Variants in PDILT observed in about 807,000 individuals in gnomAD.
The protein encoded by PDILT is protein disulfide-isomerase-like protein of the testis.
PDILT carries 43 observed loss-of-function variants against 53.7 expected under a neutral mutation model. That is an observed-to-expected ratio of 0.80 (90% CI 0.63 to 1.03). PDILT has a LOEUF of 1.03. Among genes scored for constraint, PDILT ranks in the 50% least tolerant of loss-of-function variants. PDILT has a pLI of 0.00. For synonymous variants in PDILT, 282 were observed against 274.2 expected, an observed-to-expected ratio of 1.03 and a Z score of -0.28; for missense variants, 727 against 712.3, an observed-to-expected ratio of 1.02 and a Z score of -0.24.
chr16:20,372,119 T>C (rs926234770), intron 7 of PDILT, among the ~76,000 whole-genome samples: 3 of 152,186 alleles, frequency 2.0e-5, no homozygotes, highest in Admixed American at 6.5e-5. Context: ...CTACCTTAAA[T>C]ACAGGAACAG....
Position 20,360,307 on chromosome 16 carries a change from C to T in PDILT, c.1506+261G>A, listed in dbSNP as rs116102051. ...AGACATCTGGTCAGTGCCAGGGAAG[C>T]GGCCCAAGGCAAGGAGCTGTGTGTT... On this transcript the variant is annotated intron_variant, in intron 11 of 11. Transcript: ENST00000302451. Among the ~76,000 whole-genome samples, 1,147 of 152,226 alleles carry T rather than the reference C, an allele frequency of 7.5e-3. 20 individuals are homozygous for T. Among genetic ancestry groups the T allele is most frequent in the African/African-American group, 0.025 (1,045 of 41,548 alleles).
At chr16:20,389,618 C>T (rs763771815) in intron 2 of PDILT, among the ~76,000 whole-genome samples, 29 of 152,124 alleles carry the variant, frequency 1.9e-4, no homozygotes, top group Non-Finnish European at 4.1e-4. Flanking sequence ...GGTAAGCACA[C>T]GGGACTCAGG....
At chr16:20,399,849 T>C (rs1163416307) in intron 1 of PDILT, among the ~76,000 whole-genome samples, 1 of 151,904 alleles carries the variant, frequency 6.6e-6, no homozygotes, top group Non-Finnish European at 1.5e-5. Context: ...GTCATAACTA[T>C]AATACACACT....
chr16:20,376,414 C>T (rs1279803897), intron 3 of PDILT, among the ~76,000 whole-genome samples: 1 of 152,160 alleles, frequency 6.6e-6, no homozygotes, highest in Non-Finnish European at 1.5e-5. Context: ...CTCAACAAGG[C>T]CCAGACACTG....
intron 2 of PDILT, among the ~76,000 whole-genome samples, 153 bp downstream of exon 2, chr16:20,398,946 T>A (rs1420488805): frequency 1.3e-5 from 2 of 152,200 alleles, no homozygotes; most frequent in African/African-American, 2.4e-5. Context: ...ATCTGGAGAT[T>A]GGAGATGATG....
chr16:20,360,298 C>A (rs1297212443), intron 11 of PDILT, among the ~76,000 whole-genome samples: 1 of 152,038 alleles, frequency 6.6e-6, no homozygotes. Flanking sequence ...CTGGTCAGTG[C>A]CAGGGAAGCG....
At chr16:20,375,156 G>A (rs543999215) in intron 4 of PDILT, among the ~76,000 whole-genome samples, 197 bp from the exon 5 acceptor site, 1 of 152,216 alleles carries the variant, frequency 6.6e-6, no homozygotes, top group Admixed American at 6.5e-5. Flanking sequence ...GCCAAAATAG[G>A]CAAGTCCTCA....
intron 3 of PDILT, among the ~76,000 whole-genome samples, chr16:20,377,236 T>G (rs1161500549): frequency 1.3e-5 from 2 of 152,106 alleles, no homozygotes; most frequent in Admixed American, 6.6e-5. Context: ...TGCAGTGAGC[T>G]ACAATCAGCC....
At chr16:20,371,049 G>T (rs1303637954) in intron 7 of PDILT, among the ~76,000 whole-genome samples, 1 of 152,186 alleles carries the variant, frequency 6.6e-6, no homozygotes, top group African/African-American at 2.4e-5. Context: ...TAATAAACTT[G>T]CTTTCACTTT....
At chr16:20,402,533 A>G (rs997296906) in intron 1 of PDILT, among the ~76,000 whole-genome samples, 1 of 152,200 alleles carries the variant, frequency 6.6e-6, no homozygotes, top group African/African-American at 2.4e-5. Flanking sequence ...TCCTGACCTC[A>G]GGTGATCCGC....
At chr16:20,398,157 C>T (rs1966685521) in intron 2 of PDILT, among the ~76,000 whole-genome samples, 1 of 152,194 alleles carries the variant, frequency 6.6e-6, no homozygotes, top group Admixed American at 6.5e-5. Context: ...GTGCCAGGCA[C>T]ACCATGAATG....
At chr16:20,390,822 C>T (rs188352414) in intron 2 of PDILT, 1 of 152,204 alleles carries the variant, frequency 6.6e-6, no homozygotes, top group Non-Finnish European at 1.5e-5. Flanking sequence ...GTTGTGTGAC[C>T]TTGGGCAAAT....
intron 8 of PDILT, among the ~76,000 whole-genome samples, chr16:20,368,486 G>A (rs76932528): frequency 1.3e-5 from 2 of 152,124 alleles, no homozygotes; most frequent in African/African-American, 4.8e-5. Context: ...AAAGGCTATA[G>A]GGGCAGCTGT....
At chr16:20,370,762 G>T (rs149261486) in intron 7 of PDILT, among the ~76,000 whole-genome samples, 2 of 152,164 alleles carry the variant, frequency 1.3e-5, no homozygotes, top group African/African-American at 4.8e-5. Context: ...GATAAAACAG[G>T]TTGTAGTAAA....
At chr16:20,392,015 T>C (rs980934153) in intron 2 of PDILT, among the ~76,000 whole-genome samples, 3 of 151,908 alleles carry the variant, frequency 2.0e-5, no homozygotes, top group Non-Finnish European at 4.4e-5. Context: ...TCTCTCTGGA[T>C]GCATTGCAGG....
chr16:20,364,213 A>G (rs568189650), intron 9 of PDILT, among the ~76,000 whole-genome samples: 1 of 152,300 alleles, frequency 6.6e-6, no homozygotes, highest in Admixed American at 6.5e-5. Flanking sequence ...CAGTCTTACA[A>G]TTCTGGGTGT....
At position 20,359,547 on chromosome 16, in the gene PDILT, A is replaced by G. The variant is rs1300759357; in HGVS notation, c.1527T>C (p.Asn509=). The change falls in exon 12 of 12, where the codon AAT becomes AAC. Residue 509 remains asparagine, a synonymous_variant. Transcript: ENST00000302451. ...DEDELLSVEQ[N]EVIEEEVLAE... is the part of the protein sequence containing the mutation. ...CTAGCACTTCCTCTTCTATCACTTC[A>G]TTTTGCTCAACAGACAACAGCTATG... 2.5e-6 allele frequency: 4 copies of G among 1,613,934 alleles called. No homozygotes were observed. Among genetic ancestry groups the G allele is most frequent in the Non-Finnish European group, 3.4e-6 (4 of 1,179,986 alleles).
At chr16:20,379,016 G>A (rs934589759) in intron 3 of PDILT, among the ~76,000 whole-genome samples, 1 of 130,518 alleles carries the variant, frequency 7.7e-6, no homozygotes, top group Non-Finnish European at 1.7e-5. Flanking sequence ...CTCATTTTAG[G>A]GCATTTTTTT....
At chr16:20,395,294 T>C (rs1050572542) in intron 2 of PDILT, among the ~76,000 whole-genome samples, 1 of 152,218 alleles carries the variant, frequency 6.6e-6, no homozygotes, top group Non-Finnish European at 1.5e-5. Context: ...TTCTAGCCAA[T>C]AAGATGTTAC....
Sources: gnomAD v4.1 joint callset for allele counts (sites outside exome capture counted in the v4.1 genomes callset) on GRCh38, gnomAD v4.1.1 for gene constraint, MANE v1.5 for transcripts, NCBI Gene and HGNC (gene_info 2026-07-23, HGNC 2026-07-21) for gene names.